The following CCND2 variants were observed in gnomAD, a reference collection of about 807,000 sequenced individuals.
CCND2 encodes the protein cyclin D2.
Under a neutral mutation model 30.2 loss-of-function variants are expected in CCND2, and 6 were observed. The ratio of observed to expected loss-of-function variants is 0.20; its 90% CI spans 0.11 to 0.39. The LOEUF is 0.39. CCND2 is among the 10% of genes least tolerant of loss of function. The pLI is 1.00. For synonymous variants in CCND2, 150 were observed against 153.1 expected (o/e 0.98, Z 0.15); for missense variants, 235 against 373.4 (o/e 0.63, Z 3.06).
rs932875279 is a variant in CCND2, at chr12:4,276,955, C to T, written c.411+735C>T. ...GAATAGCGGCTCCAAGGCCCACCTT[C>T]GGTGGTTTGCACACCCCTCTTTGCA... is the stretch of plus-strand genomic sequence containing the variant. On this transcript the variant is annotated intron_variant, in intron 2 of 4. Coordinates refer to ENST00000261254, the MANE Select transcript of CCND2 (RefSeq NM_001759.4). The surrounding 1 kb of genome is among the most constrained non-coding windows in gnomAD (Gnocchi z 4.8). Among the ~76,000 whole-genome samples, 2 of 152,370 alleles carry T rather than the reference C, an allele frequency of 1.3e-5. No homozygotes were observed. Among genetic ancestry groups the T allele is most frequent in the Admixed American group, 1.3e-4 (2 of 15,306 alleles).
At position 4,276,161 on chromosome 12, in the gene CCND2, C is replaced by A. The variant is rs766500677; in HGVS notation, c.352C>A (p.Leu118Met). 6.8e-6 allele frequency: 11 copies of A among 1,614,116 alleles called. No homozygotes were observed. In the African/African-American group the frequency reaches 1.3e-4, roughly 20 times the overall value. The change falls in exon 2 of 5, where the codon CTG becomes ATG. Residue 118 changes from leucine to methionine, a missense_variant. Leu to Met is a conservative substitution (Grantham distance 15). Around this residue, in one of 2 missense-constraint regions of CCND2, gnomAD observed 178 missense variants for 322.8 expected, o/e 0.55. Transcript: ENST00000261254. This position sits in a 1 kb window ranked among gnomAD's most constrained non-coding sequence, Gnocchi z 4.8. ...CTCCAAACTCAAAGAGACCAGCCCG[C>A]TGACCGCGGAGAAGCTGTGCATTTA... ...LASKLKETSP[L>M]TAEKLCIYTD... is the part of the protein sequence containing the mutation.
In CCND2 at chr12:4,287,500, C is replaced by A. The variant is rs1014681853; in HGVS notation, c.572-1342C>A. Reference sequence around the variant, plus strand: ...CACGTGCCCCTTCCATGTCTACACACAGTAAGCTCACTAGAGCAATGCTAA... The same window carrying A: ...CACGTGCCCCTTCCATGTCTACACAAAGTAAGCTCACTAGAGCAATGCTAA... On this transcript the variant is annotated intron_variant, in intron 3 of 4. Coordinates refer to ENST00000261254, the MANE Select transcript of CCND2 (RefSeq NM_001759.4). This position sits in a 1 kb window ranked among gnomAD's most constrained non-coding sequence, Gnocchi z 4.0. Among the ~76,000 whole-genome samples, 5 of 152,148 alleles carry A rather than the reference C, an allele frequency of 3.3e-5. No homozygotes were observed. The highest frequency in any genetic ancestry group is 1.2e-4 in the African/African-American group (5 of 41,420).
At position 4,304,810 on chromosome 12, in the gene CCND2, C is replaced by A. The variant is rs1864293827; in HGVS notation, c.*4801C>A. On this transcript the variant is annotated 3_prime_UTR_variant, in exon 5 of 5. Transcript: ENST00000261254. This position sits in a 1 kb window ranked among gnomAD's most constrained non-coding sequence, Gnocchi z 6.2. ...TGCCTGTCCTTGAAAAACAAAGTTT[C>A]TATTTTTATTTTTAATTGGTTTAGT... The A allele has an allele frequency of 4.3e-6, 1 of 233,632 alleles. No homozygotes were observed. Among genetic ancestry groups the A allele is most frequent in the Non-Finnish European group, 8.5e-6 (1 of 118,044 alleles). The allele number at this position is 233,632 out of a possible 1,614,324, so 14.5% of individuals were successfully genotyped here. A position where few individuals can be genotyped will look rare whatever the true frequency, so the allele number is the denominator to read the frequency against.
chr12:4,294,121 G>A (rs960654649), intron 4 of CCND2, among the ~76,000 whole-genome samples: 5 of 152,110 alleles, frequency 3.3e-5, no homozygotes, highest in African/African-American at 1.2e-4. Flanking sequence ...GTTACACTGA[G>A]GGCTAATGGT....
rs1217954009 is a variant in CCND2 at position 4,287,848 on chromosome 12, C to G, written c.572-994C>G. On this transcript the variant is annotated intron_variant, in intron 3 of 4. Coordinates refer to ENST00000261254, the MANE Select transcript of CCND2 (RefSeq NM_001759.4). This position sits in a 1 kb window ranked among gnomAD's most constrained non-coding sequence, Gnocchi z 4.0. ...AGCTGCTGGATCATGGCCACCCAGC[C>G]CCTCTGAAGGAGTGCTCGGAGGAAC... is the stretch of plus-strand genomic sequence containing the variant. Among the ~76,000 whole-genome samples the G allele has an allele frequency of 6.6e-6, 1 of 152,174 alleles. No individual in the cohort carries two copies. Among genetic ancestry groups the G allele is most frequent in the Non-Finnish European group, 1.5e-5 (1 of 68,026 alleles).
intron 3 of CCND2, among the ~76,000 whole-genome samples, chr12:4,280,020 C>A (rs1863927494): frequency 6.6e-6 from 1 of 151,440 alleles, no homozygotes; most frequent in Non-Finnish European, 1.5e-5. Flanking sequence ...GTCAAAAAGT[C>A]AGGCTTTGCT....
At chr12:4,275,914 T>C (rs567484716) in intron 1 of CCND2, 91 bp from the exon 2 acceptor site, 3 of 829,124 alleles carry the variant, frequency 3.6e-6, no homozygotes, top group Admixed American at 2.5e-5. Context: ...TTTTTTTGTT[T>C]CGATAGATTA....
At chr12:4,290,030 G>A (rs1864076681) in intron 4 of CCND2, among the ~76,000 whole-genome samples, 1 of 152,200 alleles carries the variant, frequency 6.6e-6, no homozygotes, top group South Asian at 2.1e-4. Context: ...GGCACTTCAC[G>A]ATGACACCCT....
rs1008117013 is a variant in CCND2 at position 4,276,691 on chromosome 12, A to G, written c.411+471A>G. Among the ~76,000 whole-genome samples, 1 of 152,244 alleles carries G rather than the reference A, an allele frequency of 6.6e-6. No individual in the cohort carries two copies. The highest frequency in any genetic ancestry group is 1.5e-5 in the Non-Finnish European group (1 of 68,040). ...CTACAAAGTCTCAAGATACCAACAC[A>G]TAATAGCTGTTCACTAAATATCAGT... On this transcript the variant is annotated intron_variant, in intron 2 of 4. Coordinates refer to ENST00000261254, the MANE Select transcript of CCND2 (RefSeq NM_001759.4). The surrounding 1 kb of genome is among the most constrained non-coding windows in gnomAD (Gnocchi z 4.8).
chr12:4,274,335 G>T lies in CCND2; in HGVS notation c.195+100G>T. 1.5e-6 allele frequency: 2 copies of T among 1,298,462 alleles called. No homozygotes were observed. Among genetic ancestry groups the T allele is most frequent in the Non-Finnish European group, 2.2e-6 (2 of 924,050 alleles). The allele number at this position is 1,298,462 out of a possible 1,614,324, so 80.4% of individuals were successfully genotyped here. A position where few individuals can be genotyped will look rare whatever the true frequency, so the allele number is the denominator to read the frequency against. ...CTGGGAGAGGGCAATCCCCGCGCCG[G>T]CCTCCCGGCTCCTGTGCGGGAGTTT... On this transcript the variant is annotated intron_variant, in intron 1 of 4. Coordinates refer to ENST00000261254, the MANE Select transcript of CCND2 (RefSeq NM_001759.4). The surrounding 1 kb of genome is among the most constrained non-coding windows in gnomAD (Gnocchi z 7.7).
intron 3 of CCND2, among the ~76,000 whole-genome samples, chr12:4,288,550 T>C (rs1333268381): frequency 6.6e-6 from 1 of 152,168 alleles, no homozygotes; most frequent in Non-Finnish European, 1.5e-5. Flanking sequence ...TTAATATGAC[T>C]GGGATCTGGG....
Position 4,302,416 on chromosome 12 carries a change from G to C in CCND2, c.*2407G>C. 4.3e-6 allele frequency: 1 copy of C among 233,052 alleles called. No homozygotes were observed. The highest frequency in any genetic ancestry group is 8.5e-6 in the Non-Finnish European group (1 of 117,942). The allele number at this position is 233,052 out of a possible 1,614,324, so 14.4% of individuals were successfully genotyped here. On this transcript the variant is annotated 3_prime_UTR_variant, in exon 5 of 5. Coordinates refer to ENST00000261254, the MANE Select transcript of CCND2 (RefSeq NM_001759.4). ...CTCATCTTGGAGCTTTTTCAAAAGC[G>C]GGGCTTCATCTGCAAAGGGCCCTTT...
rs776260684 is a variant in CCND2, at chr12:4,274,065, G to T, written c.25G>T (p.Asp9Tyr). Residue 9 changes from aspartate to tyrosine, a missense_variant, in exon 1 of 5, where the codon GAC becomes TAC. Transcript: ENST00000261254. This position sits in a 1 kb window ranked among gnomAD's most constrained non-coding sequence, Gnocchi z 7.7. MELLCHEV[D>Y]PVRRAVRDRN... ...CATGGAGCTGCTGTGCCACGAGGTG[G>T]ACCCGGTCCGCAGGGCCGTGCGGGA... 2 of 1,612,600 alleles carry T rather than the reference G, an allele frequency of 1.2e-6. No homozygotes were observed. The highest frequency in any genetic ancestry group is 3.3e-5 in the Admixed American group (2 of 59,842).
chr12:4,294,362 C>G (rs1375750352), intron 4 of CCND2, among the ~76,000 whole-genome samples: 1 of 152,154 alleles, frequency 6.6e-6, no homozygotes, highest in Non-Finnish European at 1.5e-5. Context: ...AGGGTACCAC[C>G]TGTCCAGGCT....
At position 4,282,093 on chromosome 12, in the gene CCND2, G is replaced by C. The variant is rs1819752658; in HGVS notation, c.571+3174G>C. On this transcript the variant is annotated intron_variant, in intron 3 of 4. Coordinates refer to ENST00000261254, the MANE Select transcript of CCND2 (RefSeq NM_001759.4). The surrounding 1 kb of genome is among the most constrained non-coding windows in gnomAD (Gnocchi z 4.3). Reference sequence around the variant, plus strand: ...TAGAACACCCAGGTCTGCAAGCGAGGAAAGAAGGCCATTGGAGATGACCTG... The same window carrying C: ...TAGAACACCCAGGTCTGCAAGCGAGCAAAGAAGGCCATTGGAGATGACCTG... Among the ~76,000 whole-genome samples the C allele has an allele frequency of 6.6e-6, 1 of 152,202 alleles. No homozygotes were observed. Among genetic ancestry groups the C allele is most frequent in the Admixed American group, 6.5e-5 (1 of 15,282 alleles).
At position 4,274,869 on chromosome 12, in the gene CCND2, C is replaced by G. The variant is rs985565470; in HGVS notation, c.195+634C>G. ...GCCGTGTGCCCACGTATGCACAGCT[C>G]TGGACCTGCCGTGGTTTCGCCATGT... On this transcript the variant is annotated intron_variant, in intron 1 of 4. Transcript: ENST00000261254. This position sits in a 1 kb window ranked among gnomAD's most constrained non-coding sequence, Gnocchi z 7.7. Among the ~76,000 whole-genome samples, 3 of 152,220 alleles carry G rather than the reference C, an allele frequency of 2.0e-5. No individual in the cohort carries two copies. The highest frequency in any genetic ancestry group is 4.4e-5 in the Non-Finnish European group (3 of 68,042).
chr12:4,295,104 A>G (rs1355334573), intron 4 of CCND2, among the ~76,000 whole-genome samples: 1 of 152,176 alleles, frequency 6.6e-6, no homozygotes, highest in Non-Finnish European at 1.5e-5. Context: ...CAAGTCCAAA[A>G]AGGGCCCCTG....
chr12:4,281,801 G>A (rs1233537145), intron 3 of CCND2, among the ~76,000 whole-genome samples: 4 of 152,140 alleles, frequency 2.6e-5, no homozygotes, highest in East Asian at 1.9e-4. Context: ...GCGAAGTGGC[G>A]GTCTTGCTTT....
intron 3 of CCND2, among the ~76,000 whole-genome samples, chr12:4,283,219 G>T (rs1184519177): frequency 2.6e-5 from 4 of 152,232 alleles, no homozygotes; most frequent in Non-Finnish European, 5.9e-5. Context: ...AGGTGAGGGA[G>T]CCCAGCGGGA....
Sources: gnomAD v4.1 joint callset for allele counts (sites outside exome capture counted in the v4.1 genomes callset) on GRCh38, gnomAD v4.1.1 for gene constraint, gnomAD v4.1.1 regional missense constraint, Gnocchi (gnomAD v3.1) non-coding constraint, MANE v1.5 for transcripts, NCBI Gene and HGNC (gene_info 2026-07-23, HGNC 2026-07-21) for gene names.